TGFBI: variants seen among roughly 807,000 people sequenced by gnomAD.
TGFBI encodes transforming growth factor-beta-induced protein ig-h3.
TGFBI carries 50 observed loss-of-function variants against 73.7 expected under a neutral mutation model. That is an observed-to-expected ratio of 0.68 (90% CI 0.54 to 0.86). The LOEUF is 0.86. TGFBI is among the 40% of genes least tolerant of loss of function. The pLI is 0.00. For synonymous variants in TGFBI, 362 were observed against 360.5 expected, an observed-to-expected ratio of 1.00 and a Z score of -0.05; for missense variants, 839 against 877.0, an observed-to-expected ratio of 0.96 and a Z score of 0.55.
In TGFBI at chr5:136,052,992, G is replaced by C; in HGVS notation, c.999G>C (p.Thr333=). ...TGTCTGTAGAGACCCTGGAGGGCAC[G>C]ACACTGGAGGTGGGCTGCAGCGGGG... ...AGLSVETLEG[T]TLEVGCSGDM... is the part of the protein sequence containing the mutation. The change falls in exon 8 of 17, where the codon ACG becomes ACC. Residue 333 remains threonine, a synonymous_variant. Transcript: ENST00000442011. 6.2e-7 allele frequency: 1 copy of C among 1,614,034 alleles called. No individual in the cohort carries two copies. Among genetic ancestry groups the C allele is most frequent in the Non-Finnish European group, 8.5e-7 (1 of 1,179,892 alleles).
At chr5:136,062,631 T>C (rs779821281) in intron 15 of TGFBI, 32 bp from the exon 16 acceptor site, 1 of 1,555,734 alleles carries the variant, frequency 6.4e-7, no homozygotes, top group Non-Finnish European at 8.7e-7. Flanking sequence ...TAACTTTCAC[T>C]AGAAAACCTG....
chr5:136,031,297 G>T (rs576750054), intron 1 of TGFBI, among the ~76,000 whole-genome samples: 3 of 152,250 alleles, frequency 2.0e-5, no homozygotes, highest in Non-Finnish European at 4.4e-5. Flanking sequence ...TTGTGCAAAT[G>T]GATAACGTTG....
At position 136,053,079 on chromosome 5, in the gene TGFBI, G is replaced by A. The variant is rs766987280; in HGVS notation, c.1086G>A (p.Gly362=). 4.3e-6 allele frequency: 7 copies of A among 1,613,944 alleles called. No homozygotes were observed. In the African/African-American group the frequency reaches 6.7e-5, roughly 15 times the overall value. Residue 362 remains glycine (G), a synonymous_variant, in exon 8 of 17, where the codon GGG becomes GGA. Transcript: ENST00000442011. ...ISNKDILATN[G]VIHYIDELLI... is the part of the protein sequence containing the mutation. ...ATAAAGACATCCTAGCCACCAACGGGGTGATCCACTACATTGATGAGCTAC... is the reference window on the plus strand; with the variant it reads ...ATAAAGACATCCTAGCCACCAACGGAGTGATCCACTACATTGATGAGCTAC...
chr5:136,029,328 G>A, intron 1 of TGFBI, 139 bp downstream of exon 1: 1 of 1,031,186 alleles, frequency 9.7e-7, no homozygotes, highest in Non-Finnish European at 1.3e-6. Context: ...TGGAGCGCTC[G>A]GACACCAGCC....
intron 2 of TGFBI, among the ~76,000 whole-genome samples, chr5:136,038,503 A>G (rs1317604126): frequency 6.6e-6 from 1 of 151,936 alleles, no homozygotes; most frequent in South Asian, 2.1e-4. Context: ...GGTCACGAGG[A>G]CAGGAGTTGG....
At position 136,050,867 on chromosome 5, in the gene TGFBI, C is replaced by T. The variant is rs958274928; in HGVS notation, c.913+1287C>T. On this transcript the variant is annotated intron_variant, in intron 7 of 16. Transcript: ENST00000442011. ...TCCAGGTGATTATGGTACCTCTATG[C>T]GCCTGGCCGGCACTGGGGACAGAGG... Among the ~76,000 whole-genome samples, 5 of 152,268 alleles carry T rather than the reference C, an allele frequency of 3.3e-5. 1 individual carries two copies. The highest frequency in any genetic ancestry group is 1.3e-4 in the Admixed American group (2 of 15,292).
Position 136,044,252 on chromosome 5 carries a change from G to A in TGFBI, c.298+130G>A, listed in dbSNP as rs955835040. On this transcript the variant is annotated intron_variant, in intron 3 of 16. Coordinates refer to ENST00000442011, the MANE Select transcript of TGFBI (RefSeq NM_000358.3). ...CACAAGGACATGGCATTCTCCCCAC[G>A]TGCCCACTGGCCCCAGGCTCTATGC... 38 of 773,454 alleles carry A rather than the reference G, an allele frequency of 4.9e-5. No individual in the cohort carries two copies. The East Asian group carries it at 6.6e-4, about 13-fold the overall frequency. The allele number at this position is 773,454 out of a possible 1,614,324, so 47.9% of individuals were successfully genotyped here.
rs45486399 is a variant in TGFBI, at chr5:136,050,712, T to C, written c.913+1132T>C. ...TTAAACCCACCGTGTCAATGTGCTA[T>C]ATAAAATGTCTAATGCATTTCAGAC... On this transcript the variant is annotated intron_variant, in intron 7 of 16. Coordinates refer to ENST00000442011, the MANE Select transcript of TGFBI (RefSeq NM_000358.3). Among the ~76,000 whole-genome samples the C allele has an allele frequency of 1.8e-4, 27 of 152,352 alleles. No homozygotes were observed. In the East Asian group the frequency reaches 4.8e-3, roughly 27 times the overall value.
intron 2 of TGFBI, among the ~76,000 whole-genome samples, chr5:136,043,477 A>G (rs1751374344): frequency 6.6e-6 from 1 of 152,226 alleles, no homozygotes; most frequent in East Asian, 1.9e-4. Context: ...GTGAAGACAG[A>G]GAAAAACTTG....
chr5:136,038,255 G>A lies in TGFBI; in HGVS notation c.233+4394G>A, dbSNP rs139419481. ...CACCTGGGGTAAGACCCTGTGGTAG[G>A]TAGAAACATGACTTCCCAAAAATGT... On this transcript the variant is annotated intron_variant, in intron 2 of 16. Transcript: ENST00000442011. Among the ~76,000 whole-genome samples the A allele has an allele frequency of 3.6e-3, 552 of 152,310 alleles. 3 individuals carry two copies. Among genetic ancestry groups the A allele is most frequent in the African/African-American group, 0.012 (506 of 41,566 alleles).
intron 1 of TGFBI, among the ~76,000 whole-genome samples, chr5:136,032,227 G>A (rs919080316): frequency 6.6e-6 from 1 of 152,088 alleles, no homozygotes; most frequent in African/African-American, 2.4e-5. Flanking sequence ...TGCTGGCTGT[G>A]GTCCCTTCTC....
chr5:136,052,786 GCCTCATCTGAGGGT>G, intron 7 of TGFBI, 107 bp from the exon 8 acceptor site: 1 of 973,728 alleles, frequency 1.0e-6, no homozygotes, highest in Non-Finnish European at 1.5e-6. Context: ...TGGTGCCCCA[GCCTCATCTGAGGGT>G]CCTCATCTGA....
At chr5:136,056,100 C>G (rs569714018) in intron 11 of TGFBI, among the ~76,000 whole-genome samples, 2 of 152,296 alleles carry the variant, frequency 1.3e-5, no homozygotes, top group East Asian at 3.9e-4. Flanking sequence ...AAACATCACC[C>G]TCTCATTGTA....
At chr5:136,035,920 CG>C (rs1189709286) in intron 2 of TGFBI, among the ~76,000 whole-genome samples, 4 of 152,096 alleles carry the variant, frequency 2.6e-5, no homozygotes, top group Non-Finnish European at 4.4e-5. Context: ...CACACTGTTT[CG>C]GGGGTGCCGC....
chr5:136,047,447 C>T, intron 6 of TGFBI, 27 bp downstream of exon 6: 1 of 1,613,296 alleles, frequency 6.2e-7, no homozygotes, highest in Non-Finnish European at 8.5e-7. Context: ...GGTGGAGGCC[C>T]AGGCTTGGGA....
At chr5:136,052,128 G>A (rs1191812087) in intron 7 of TGFBI, among the ~76,000 whole-genome samples, 1 of 152,244 alleles carries the variant, frequency 6.6e-6, no homozygotes, top group Non-Finnish European at 1.5e-5. Flanking sequence ...AGCCTGTCTG[G>A]GCTCTCCGAG....
At position 136,063,360 on chromosome 5, in the gene TGFBI, G is replaced by A; in HGVS notation, c.*134G>A. 1.3e-6 allele frequency: 1 copy of A among 774,098 alleles called. No homozygotes were observed. Among genetic ancestry groups the A allele is most frequent in the African/African-American group, 1.7e-5 (1 of 58,280 alleles). 48.0% of individuals were successfully genotyped at this position (774,098 alleles called of 1,614,324 possible). ...TACATGGGCCGCACCATAATGAGATGTGAGCCTTGTGCATGTGGGGGAGGA... is the reference window on the plus strand; with the variant it reads ...TACATGGGCCGCACCATAATGAGATATGAGCCTTGTGCATGTGGGGGAGGA... On this transcript the variant is annotated 3_prime_UTR_variant, in exon 17 of 17. Transcript: ENST00000442011.
At position 136,049,479 on chromosome 5, in the gene TGFBI, G is replaced by A. The variant is rs753586534; in HGVS notation, c.812G>A (p.Gly271Asp). 10 of 1,613,894 alleles carry A rather than the reference G, an allele frequency of 6.2e-6. No individual in the cohort carries two copies. The Admixed American group carries it at 1.5e-4, about 24-fold the overall frequency. ...TCAGGGCTCAACACGATGCTTGAAGGTAACGGCCAGTACACGCTTTTGGCC... is the reference window on the plus strand; with the variant it reads ...TCAGGGCTCAACACGATGCTTGAAGATAACGGCCAGTACACGCTTTTGGCC... ...AASGLNTMLE[G>D]NGQYTLLAPT... Residue 271 changes from glycine (G) to aspartate (D), a missense_variant, in exon 7 of 17, where the codon GGT (glycine) becomes GAT (aspartate). By Grantham distance (94) the Gly-to-Asp change is moderately conservative. Transcript: ENST00000442011.
intron 8 of TGFBI, 43 bp downstream of exon 8, chr5:136,053,162 A>G (rs375825111): frequency 2.9e-5 from 46 of 1,575,516 alleles, no homozygotes; most frequent in Admixed American, 2.7e-4. Flanking sequence ...CTGGCCCACC[A>G]TCTCTTCTGC....
Sources: allele counts gnomAD v4.1 joint callset (sites outside exome capture counted in the v4.1 genomes callset), GRCh38; gene constraint gnomAD v4.1.1; transcripts MANE v1.5; gene names NCBI Gene and HGNC (gene_info 2026-07-23, HGNC 2026-07-21).